SGCZ: variants seen among roughly 807,000 people sequenced by gnomAD.
The protein encoded by SGCZ is zeta-sarcoglycan.
In SGCZ, 40 loss-of-function variants were observed where a neutral mutation model predicts 41.3. That is an observed-to-expected ratio of 0.97 (90% CI 0.75 to 1.26). The LOEUF is 1.26. Ranked by LOEUF, SGCZ falls within the 50% of genes most tolerant of loss-of-function variation. The probability of loss-of-function intolerance (pLI) is 0.00; values close to 1 mark genes in which losing one functional copy is unlikely to be tolerated. For missense variants in SGCZ, 552 were observed against 369.8 expected (o/e 1.49, Z -4.04); for synonymous variants, 206 against 137.5 (o/e 1.50, Z -3.49).
intron 2 of SGCZ, among the ~76,000 whole-genome samples, chr8:14,510,882 T>A (rs1432432804): frequency 6.6e-6 from 1 of 152,120 alleles, no homozygotes; most frequent in Admixed American, 6.6e-5. Flanking sequence ...TTGGGAAGCA[T>A]CTTTTTGCAA....
intron 2 of SGCZ, among the ~76,000 whole-genome samples, chr8:14,341,744 G>T (rs1802715608): frequency 6.6e-6 from 1 of 152,118 alleles, no homozygotes; most frequent in Admixed American, 6.5e-5. Flanking sequence ...AGTCTCATGA[G>T]ATCTGATGGG....
chr8:14,606,715 T>C (rs1335818091), intron 1 of SGCZ, among the ~76,000 whole-genome samples: 3 of 152,220 alleles, frequency 2.0e-5, no homozygotes, highest in African/African-American at 7.2e-5. Context: ...GTACATGAAG[T>C]ATACAGCAAA....
chr8:15,153,437 G>A (rs1185661411), intron 1 of SGCZ, among the ~76,000 whole-genome samples: 1 of 152,190 alleles, frequency 6.6e-6, no homozygotes, highest in African/African-American at 2.4e-5. Context: ...TTGCCAGACA[G>A]AGAGACACAT....
rs183959604 is a variant in SGCZ, at chr8:14,815,458, G to T, written c.40-260532C>A. ...ACTAGATGGATGTAGAGATGGGAGA[G>T]TAAGAATAAAAACAGGACCTTTGTG... On this transcript the variant is annotated intron_variant, in intron 1 of 7. Coordinates refer to ENST00000382080, the MANE Select transcript of SGCZ (RefSeq NM_139167.4). Among the ~76,000 whole-genome samples the T allele has an allele frequency of 1.2e-4, 18 of 151,854 alleles. No individual in the cohort carries two copies. In the East Asian group the frequency reaches 3.5e-3, roughly 29 times the overall value.
chr8:14,214,240 A>G (rs1805915320), intron 4 of SGCZ, among the ~76,000 whole-genome samples: 1 of 152,180 alleles, frequency 6.6e-6, no homozygotes, highest in African/African-American at 2.4e-5. Flanking sequence ...CAGTCTACAA[A>G]ACACAAACCA....
At chr8:14,467,473 T>C (rs28624787) in intron 2 of SGCZ, among the ~76,000 whole-genome samples, 3,013 of 152,158 alleles carry the variant, frequency 0.02, 69 homozygotes, top group African/African-American at 0.05. Context: ...CCACTCTGGT[T>C]CCCTAAAACT....
chr8:14,863,614 C>T (rs1803827914), intron 1 of SGCZ, among the ~76,000 whole-genome samples: 1 of 152,162 alleles, frequency 6.6e-6, no homozygotes, highest in African/African-American at 2.4e-5. Context: ...GGATCGAGGT[C>T]AGGGAAATCA....
intron 1 of SGCZ, among the ~76,000 whole-genome samples, chr8:14,773,202 G>C (rs1800302365): frequency 6.6e-6 from 1 of 152,076 alleles, no homozygotes; most frequent in Non-Finnish European, 1.5e-5. Context: ...TTTTTCATGT[G>C]TCTTTTGGCT....
At chr8:14,752,886 C>T (rs540117628) in intron 1 of SGCZ, among the ~76,000 whole-genome samples, 2 of 151,250 alleles carry the variant, frequency 1.3e-5, no homozygotes, top group Non-Finnish European at 2.9e-5. Context: ...AAAGCACTAT[C>T]TGTGTTTGAG....
intron 6 of SGCZ, 54 bp from the exon 7 acceptor site, chr8:14,102,553 T>TAATAGAAAAAAGAAA (rs1802066768): frequency 2.3e-6 from 3 of 1,290,602 alleles, no homozygotes; most frequent in Non-Finnish European, 3.0e-6. Context: ...AAAAAATCAT[T>TAATAGAAAAAAGAAA]AATAGAAAAA....
chr8:14,961,668 C>T (rs1424140576), intron 1 of SGCZ, among the ~76,000 whole-genome samples: 2 of 152,136 alleles, frequency 1.3e-5, no homozygotes, highest in African/African-American at 2.4e-5. Flanking sequence ...TTTCAGCCAT[C>T]TACTAGTGGG....
chr8:14,504,935 A>T (rs1314687048), intron 2 of SGCZ, among the ~76,000 whole-genome samples: 1 of 152,152 alleles, frequency 6.6e-6, no homozygotes, highest in Non-Finnish European at 1.5e-5. Context: ...AATGAAAGAA[A>T]ATGTGTTATG....
intron 1 of SGCZ, among the ~76,000 whole-genome samples, chr8:14,655,680 C>T (rs1167869016): frequency 6.6e-6 from 1 of 152,178 alleles, no homozygotes; most frequent in African/African-American, 2.4e-5. Context: ...AATAAAACAA[C>T]CAAGATACTG....
At chr8:14,543,462 C>T (rs76370892) in intron 2 of SGCZ, among the ~76,000 whole-genome samples, 2,098 of 152,126 alleles carry the variant, frequency 0.014, 20 homozygotes, top group Middle Eastern at 0.034. Context: ...TAGACAGCCT[C>T]CATCATTATC....
intron 5 of SGCZ, among the ~76,000 whole-genome samples, chr8:14,130,713 A>T (rs1803014430): frequency 6.6e-6 from 1 of 152,170 alleles, no homozygotes; most frequent in African/African-American, 2.4e-5. Context: ...CAAGCTGCAG[A>T]CATAGGTATG....
intron 1 of SGCZ, among the ~76,000 whole-genome samples, chr8:15,204,150 G>A (rs1800985549): frequency 6.6e-6 from 1 of 151,330 alleles, no homozygotes; most frequent in African/African-American, 2.4e-5. Context: ...AAAATTGCTG[G>A]AGAGAACTCT....
At chr8:14,405,162 C>G (rs1423514059) in intron 2 of SGCZ, among the ~76,000 whole-genome samples, 1 of 152,232 alleles carries the variant, frequency 6.6e-6, no homozygotes, top group Admixed American at 6.5e-5. Context: ...TTATCACCTT[C>G]TAACATTACT....
At chr8:14,544,763 C>T (rs564899733) in intron 2 of SGCZ, among the ~76,000 whole-genome samples, 9 of 152,256 alleles carry the variant, frequency 5.9e-5, no homozygotes, top group South Asian at 2.1e-4. Context: ...CAAGACAATA[C>T]GTGCACCACT....
intron 1 of SGCZ, among the ~76,000 whole-genome samples, chr8:15,042,465 G>C (rs1474687456): frequency 6.6e-6 from 1 of 152,180 alleles, no homozygotes; most frequent in African/African-American, 2.4e-5. Context: ...GTGCCACAAA[G>C]TAATTCATTT....
Sources: allele counts gnomAD v4.1 joint callset (sites outside exome capture counted in the v4.1 genomes callset), GRCh38; gene constraint gnomAD v4.1.1; transcripts MANE v1.5; gene names NCBI Gene and HGNC (gene_info 2026-07-23, HGNC 2026-07-21).